PAM: variants seen among roughly 807,000 people sequenced by gnomAD.
PAM encodes the protein peptidyl-glycine alpha-amidating monooxygenase.
Under a neutral mutation model 122.1 loss-of-function variants are expected in PAM, and 72 were observed. The ratio of observed to expected loss-of-function variants is 0.59; its 90% confidence interval spans 0.49 to 0.72. The LOEUF is 0.72. PAM is among the 30% of genes least tolerant of loss of function. The pLI is 0.00. For missense variants in PAM, 1,106 were observed against 1,183.7 expected (o/e 0.93, Z 0.96); for synonymous variants, 389 against 404.4 (o/e 0.96, Z 0.46).
chr5:103,007,828 T>C (rs992891463), intron 20 of PAM, among the ~76,000 whole-genome samples, 171 bp downstream of exon 20: 1 of 152,132 alleles, frequency 6.6e-6, no homozygotes, highest in Non-Finnish European at 1.5e-5. Flanking sequence ...AAGGTACCAC[T>C]ATTCATTGTA....
chr5:102,896,548 T>A (rs1796268967), intron 3 of PAM, among the ~76,000 whole-genome samples: 1 of 151,654 alleles, frequency 6.6e-6, no homozygotes, highest in African/African-American at 2.4e-5. Context: ...CAGACACTGT[T>A]ACAAGATTAC....
intron 4 of PAM, among the ~76,000 whole-genome samples, chr5:102,904,241 A>G (rs1365262841): frequency 6.6e-6 from 1 of 151,504 alleles, no homozygotes; most frequent in Non-Finnish European, 1.5e-5. Flanking sequence ...GTAAAAACCC[A>G]TAATACTTTG....
Position 102,787,443 on chromosome 5 carries a change from G to T in PAM, c.-374+32095G>T, listed in dbSNP as rs184015641. ...ATGGGGACAGATCTGTCCCAACTGT[G>T]GGGACAAAACTGCCTCCTTTAACAG... On this transcript the variant is annotated intron_variant, in intron 1 of 25. Transcript: ENST00000438793. Among the ~76,000 whole-genome samples the T allele has an allele frequency of 2.7e-3, 406 of 151,952 alleles. 2 individuals are homozygous for T. Among genetic ancestry groups the T allele is most frequent in the Admixed American group, 4.7e-3 (72 of 15,262 alleles).
At chr5:102,873,130 A>C (rs966518343) in intron 3 of PAM, among the ~76,000 whole-genome samples, 2 of 152,180 alleles carry the variant, frequency 1.3e-5, no homozygotes, top group African/African-American at 4.8e-5. Context: ...TACTGGAATA[A>C]GTTTTTAGTA....
intron 5 of PAM, among the ~76,000 whole-genome samples, chr5:102,924,668 G>C (rs779905233): frequency 6.6e-6 from 1 of 151,562 alleles, no homozygotes; most frequent in Non-Finnish European, 1.5e-5. Context: ...ATTACATAGA[G>C]TACATTCCAT....
chr5:103,016,374 G>A (rs1443447595), intron 21 of PAM, among the ~76,000 whole-genome samples: 1 of 152,168 alleles, frequency 6.6e-6, no homozygotes, highest in Non-Finnish European at 1.5e-5. Context: ...TAAGCCCATG[G>A]TCTGGATACT....
chr5:102,865,888 T>TA lies in PAM; in HGVS notation c.-306dup, dbSNP rs1785400392. The TA allele has an allele frequency of 3.0e-6, 1 of 331,122 alleles. No individual in the cohort carries two copies. The highest frequency in any genetic ancestry group is 5.4e-6 in the Non-Finnish European group (1 of 184,614). The allele number at this position is 331,122 out of a possible 1,614,324, so 20.5% of individuals were successfully genotyped here. ...CACAGCCCCTGTCATTCCGGAGTCA[T>TA]AAGGCACCCGCGCGTCTAGCCCCAG... On this transcript the variant is annotated 5_prime_UTR_variant, in exon 2 of 26. The change abolishes the stop of an existing upstream ORF in the 5' untranslated region. Transcript: ENST00000438793.
intron 1 of PAM, among the ~76,000 whole-genome samples, chr5:102,781,795 G>C (rs948360995): frequency 1.3e-5 from 2 of 152,150 alleles, no homozygotes; most frequent in Non-Finnish European, 2.9e-5. Context: ...TAATACTAAT[G>C]TAATAACAAC....
intron 4 of PAM, among the ~76,000 whole-genome samples, chr5:102,902,250 A>G (rs947652375): frequency 3.3e-5 from 5 of 151,592 alleles, no homozygotes; most frequent in Non-Finnish European, 4.4e-5. Context: ...TGAAATGTGT[A>G]CAGTAGCCTT....
chr5:103,003,227 C>G, intron 17 of PAM, 78 bp downstream of exon 17: 1 of 692,522 alleles, frequency 1.4e-6, no homozygotes, highest in Non-Finnish European at 2.6e-6. Flanking sequence ...TCTTGAAATT[C>G]GAGTGTTTTG....
intron 3 of PAM, among the ~76,000 whole-genome samples, chr5:102,877,014 T>C (rs1434919904): frequency 6.6e-6 from 1 of 152,246 alleles, no homozygotes; most frequent in Non-Finnish European, 1.5e-5. Context: ...AGCCTGGCTA[T>C]GGTTTAGTCA....
intron 21 of PAM, among the ~76,000 whole-genome samples, chr5:103,013,964 A>G (rs1781325689): frequency 6.6e-6 from 1 of 152,184 alleles, no homozygotes; most frequent in African/African-American, 2.4e-5. Context: ...CTCAAAGCAT[A>G]GCAACCCTGC....
At chr5:102,973,826 A>G (rs1348852340) in intron 14 of PAM, among the ~76,000 whole-genome samples, 1 of 152,198 alleles carries the variant, frequency 6.6e-6, no homozygotes, top group Non-Finnish European at 1.5e-5. Context: ...GTATCAAACT[A>G]TACTTTGAAA....
chr5:102,974,323 G>T lies in PAM; in HGVS notation c.1370G>T (p.Arg457Ile). The T allele has an allele frequency of 3.1e-6, 5 of 1,613,968 alleles. No individual in the cohort carries two copies. The highest frequency in any genetic ancestry group is 4.2e-6 in the Non-Finnish European group (5 of 1,179,846). ...ERGNAILVRD[R>I]IHKFHRLVST... ...GGTAATGCTATTCTTGTCAGAGACA[G>T]AATTCACAAATTCCACAGACTAGTA... The change falls in exon 15 of 26, where the codon AGA (arginine) becomes ATA (isoleucine). Residue 457 changes from arginine (R) to isoleucine (I), a missense_variant. Transcript: ENST00000438793.
intron 1 of PAM, among the ~76,000 whole-genome samples, chr5:102,818,627 G>T (rs1002577532): frequency 6.6e-6 from 1 of 152,090 alleles, no homozygotes. Flanking sequence ...TGCCTCATTT[G>T]TTCCAGAGAA....
chr5:102,865,584 G>T (rs572140463), intron 1 of PAM: 1 of 152,234 alleles, frequency 6.6e-6, no homozygotes, highest in Admixed American at 6.5e-5. Context: ...AACAGGAGTG[G>T]GTCCAAGGGA....
chr5:102,997,764 A>G (rs1000514177), intron 16 of PAM, among the ~76,000 whole-genome samples: 1 of 152,228 alleles, frequency 6.6e-6, no homozygotes, highest in Non-Finnish European at 1.5e-5. Context: ...CCATACAGAA[A>G]CAGTGTTTGT....
chr5:102,829,602 C>A (rs1324181311), intron 1 of PAM, among the ~76,000 whole-genome samples: 1 of 152,096 alleles, frequency 6.6e-6, no homozygotes, highest in Non-Finnish European at 1.5e-5. Flanking sequence ...TCTCGATCTC[C>A]TGACCTCATG....
chr5:102,788,237 A>G (rs1341409853), intron 1 of PAM, among the ~76,000 whole-genome samples: 1 of 152,116 alleles, frequency 6.6e-6, no homozygotes, highest in Admixed American at 6.6e-5. Flanking sequence ...TATATTTAAA[A>G]TAAACATTTA....
Sources: gnomAD v4.1 joint callset for allele counts (sites outside exome capture counted in the v4.1 genomes callset) on GRCh38, gnomAD v4.1.1 for gene constraint, MANE v1.5 for transcripts, NCBI Gene and HGNC (gene_info 2026-07-23, HGNC 2026-07-21) for gene names.